CNTNAP2: variants seen among roughly 807,000 people sequenced by gnomAD.
CNTNAP2 encodes contactin-associated protein-like 2.
Under a neutral mutation model 155.2 loss-of-function variants are expected in CNTNAP2, and 98 were observed. That is an observed-to-expected ratio of 0.63 (90% CI 0.54 to 0.75). The LOEUF is 0.75. Ranked by LOEUF, CNTNAP2 falls within the 30% of genes least tolerant of loss-of-function variation. The pLI is 0.00. For synonymous variants in CNTNAP2, 651 were observed against 631.2 expected (o/e 1.03, Z -0.47); for missense variants, 1,727 against 1,688.1 (o/e 1.02, Z -0.40).
At chr7:147,851,855 C>T (rs1798948677) in intron 13 of CNTNAP2, among the ~76,000 whole-genome samples, 1 of 151,978 alleles carries the variant, frequency 6.6e-6, no homozygotes, top group Non-Finnish European at 1.5e-5. Flanking sequence ...CACATGTATA[C>T]ATATGTAATA....
chr7:146,267,332 C>T (rs73457987), intron 1 of CNTNAP2, among the ~76,000 whole-genome samples: 2,981 of 152,074 alleles, frequency 0.02, 118 homozygotes, highest in African/African-American at 0.068. Flanking sequence ...AATTGGAAGC[C>T]GGTTACATCT....
intron 4 of CNTNAP2, among the ~76,000 whole-genome samples, chr7:147,066,468 T>A (rs570526216): frequency 6.6e-5 from 10 of 152,328 alleles, no homozygotes; most frequent in African/African-American, 2.4e-4. Flanking sequence ...CACTGGAAAT[T>A]GTTTTTGCCT....
chr7:146,619,331 A>T (rs964917048), intron 1 of CNTNAP2, among the ~76,000 whole-genome samples: 2 of 152,148 alleles, frequency 1.3e-5, no homozygotes, highest in Non-Finnish European at 1.5e-5. Context: ...TTCCATCTTC[A>T]TTATCACTAT....
intron 1 of CNTNAP2, among the ~76,000 whole-genome samples, chr7:146,133,626 A>T (rs1006578509): frequency 6.6e-6 from 1 of 152,088 alleles, no homozygotes; most frequent in Non-Finnish European, 1.5e-5. Context: ...TCAGCTTTCT[A>T]CATATGGCTA....
intron 1 of CNTNAP2, among the ~76,000 whole-genome samples, chr7:146,437,758 T>C (rs1423127484): frequency 1.3e-5 from 2 of 151,672 alleles, no homozygotes; most frequent in Non-Finnish European, 2.9e-5. Flanking sequence ...ATTTGTTTCC[T>C]TATATTTTCT....
At chr7:147,087,389 G>C (rs544675572) in intron 4 of CNTNAP2, among the ~76,000 whole-genome samples, 1 of 152,120 alleles carries the variant, frequency 6.6e-6, no homozygotes, top group South Asian at 2.1e-4. Flanking sequence ...TTTAACCAGT[G>C]GTCATCCCTA....
At chr7:146,725,645 A>G (rs1801418296) in intron 1 of CNTNAP2, among the ~76,000 whole-genome samples, 1 of 152,170 alleles carries the variant, frequency 6.6e-6, no homozygotes, top group Admixed American at 6.5e-5. Context: ...TTGTAGAACC[A>G]AAGATTGGCC....
intron 1 of CNTNAP2, among the ~76,000 whole-genome samples, chr7:146,357,533 C>G (rs572924904): frequency 6.6e-6 from 1 of 152,212 alleles, no homozygotes; most frequent in East Asian, 1.9e-4. Flanking sequence ...AGGGGAAGCT[C>G]TCGTTCACTG....
At chr7:147,133,583 T>G (rs1801419571) in intron 8 of CNTNAP2, among the ~76,000 whole-genome samples, 1 of 152,052 alleles carries the variant, frequency 6.6e-6, no homozygotes, top group Admixed American at 6.6e-5. Context: ...CTTTTTCTTC[T>G]GTCTCTGGCA....
intron 3 of CNTNAP2, among the ~76,000 whole-genome samples, chr7:147,005,995 A>C (rs1798517157): frequency 6.6e-6 from 1 of 151,932 alleles, no homozygotes; most frequent in Non-Finnish European, 1.5e-5. Context: ...TCTTCTACTC[A>C]TCATAGAGAT....
intron 13 of CNTNAP2, among the ~76,000 whole-genome samples, chr7:147,725,088 A>G (rs961435598): frequency 6.6e-6 from 1 of 152,034 alleles, no homozygotes; most frequent in Admixed American, 6.6e-5. Context: ...GGTACTTCCA[A>G]GACTCTCCCA....
intron 12 of CNTNAP2, among the ~76,000 whole-genome samples, chr7:147,610,072 T>G (rs1465937989): frequency 2.6e-5 from 4 of 152,140 alleles, no homozygotes. Context: ...TTATTTAAAT[T>G]TACTATAGTT....
intron 1 of CNTNAP2, among the ~76,000 whole-genome samples, chr7:146,572,264 CTTTTTTT>C (rs71165015): frequency 7.1e-5 from 9 of 126,214 alleles, no homozygotes; most frequent in African/African-American, 2.0e-4. Context: ...TTTCTGTTGT[CTTTTTTT>C]TTTTTTTTTT....
intron 2 of CNTNAP2, among the ~76,000 whole-genome samples, chr7:146,819,999 G>A (rs568877073): frequency 3.9e-5 from 6 of 152,254 alleles, no homozygotes; most frequent in African/African-American, 1.4e-4. Context: ...TGATGTAGCA[G>A]TTATAGTGGT....
chr7:147,866,625 T>C (rs930788747), intron 13 of CNTNAP2, among the ~76,000 whole-genome samples: 2 of 152,240 alleles, frequency 1.3e-5, no homozygotes, highest in African/African-American at 4.8e-5. Flanking sequence ...GGTGCGTATA[T>C]ATTTCGGATA....
intron 12 of CNTNAP2, among the ~76,000 whole-genome samples, chr7:147,587,779 AT>A (rs1800658979): frequency 6.6e-6 from 1 of 152,206 alleles, no homozygotes; most frequent in East Asian, 1.9e-4. Flanking sequence ...AACTCAATAT[AT>A]TTGAAGACCC....
At chr7:147,949,458 A>ATATATATATATATATATATATATATATAT (rs1433579404) in intron 14 of CNTNAP2, among the ~76,000 whole-genome samples, 2 of 137,406 alleles carry the variant, frequency 1.5e-5, no homozygotes, top group African/African-American at 5.5e-5. Context: ...ATATATATAT[A>ATATATATATATATATATATATATATATAT]TTTTTTTTTT....
At chr7:146,705,347 GGTAA>G (rs1585049992) in intron 1 of CNTNAP2, among the ~76,000 whole-genome samples, 2 of 152,024 alleles carry the variant, frequency 1.3e-5, no homozygotes, top group East Asian at 3.9e-4. Flanking sequence ...GATTCAGTGT[GGTAA>G]GTATTTGTTT....
chr7:147,093,123 C>T (rs557539280), intron 4 of CNTNAP2, among the ~76,000 whole-genome samples: 1 of 150,778 alleles, frequency 6.6e-6, no homozygotes, highest in South Asian at 2.1e-4. Context: ...TGCCTGTAGT[C>T]CCAGCTACTC....
Sources: gnomAD v4.1 joint callset for allele counts (sites outside exome capture counted in the v4.1 genomes callset) on GRCh38, gnomAD v4.1.1 for gene constraint, MANE v1.5 for transcripts, NCBI Gene and HGNC (gene_info 2026-07-23, HGNC 2026-07-21) for gene names.